The following STIM2 variants were observed in gnomAD, a reference collection of about 807,000 sequenced individuals.
STIM2 encodes the protein stromal interaction molecule 2.
Under a neutral mutation model 85.8 loss-of-function variants are expected in STIM2, and 31 were observed. The observed-to-expected ratio is 0.36, with a 90% CI of 0.27 to 0.49. STIM2 has a LOEUF of 0.49. Among genes scored for constraint, STIM2 ranks in the 20% least tolerant of loss-of-function variants. The pLI is 0.98. For missense variants in STIM2, 841 were observed against 927.6 expected, an observed-to-expected ratio of 0.91 and a Z score of 1.21; for synonymous variants, 356 against 331.1, an observed-to-expected ratio of 1.08 and a Z score of -0.82.
At chr4:27,007,041 G>A (rs1409614524) in intron 7 of STIM2, among the ~76,000 whole-genome samples, 1 of 152,186 alleles carries the variant, frequency 6.6e-6, no homozygotes, top group Non-Finnish European at 1.5e-5. Flanking sequence ...GCTACAGTAG[G>A]CTCTTCTGGA....
intron 1 of STIM2, among the ~76,000 whole-genome samples, chr4:26,880,634 A>AATATATATGTAAATATATATATAT (rs1560192506): frequency 5.4e-5 from 8 of 147,190 alleles, no homozygotes; most frequent in African/African-American, 2.0e-4. Context: ...TATATATATA[A>AATATATATGTAAATATATATATAT]ATATATATGT....
At chr4:26,893,155 A>G (rs1560197640) in intron 1 of STIM2, among the ~76,000 whole-genome samples, 2 of 152,170 alleles carry the variant, frequency 1.3e-5, no homozygotes, top group Non-Finnish European at 2.9e-5. Context: ...TACACAGAAG[A>G]ACATTAAATG....
At chr4:26,991,099 G>A (rs931519784) in intron 3 of STIM2, among the ~76,000 whole-genome samples, 1 of 151,984 alleles carries the variant, frequency 6.6e-6, no homozygotes, top group East Asian at 1.9e-4. Context: ...CTAAAAGAAA[G>A]GAAATCATTG....
chr4:27,020,715 A>G (rs887364053), intron 11 of STIM2, among the ~76,000 whole-genome samples: 4 of 152,244 alleles, frequency 2.6e-5, no homozygotes, highest in African/African-American at 7.2e-5. Flanking sequence ...CATGAAAATG[A>G]TATTAATCAT....
At chr4:26,979,353 A>G (rs1727301881) in intron 3 of STIM2, among the ~76,000 whole-genome samples, 1 of 152,250 alleles carries the variant, frequency 6.6e-6, no homozygotes. Context: ...CTTTCTGAAT[A>G]CTGGTAAATT....
At chr4:26,963,684 A>G (rs16878653) in intron 3 of STIM2, among the ~76,000 whole-genome samples, 92,959 of 152,038 alleles carry the variant, frequency 0.61, 28,894 homozygotes, top group Middle Eastern at 0.69. Context: ...GATTGCAGGA[A>G]TCTAAGAGAA....
intron 1 of STIM2, among the ~76,000 whole-genome samples, chr4:26,871,774 G>T (rs1722625924): frequency 6.6e-6 from 1 of 150,668 alleles, no homozygotes; most frequent in Non-Finnish European, 1.5e-5. Flanking sequence ...AAATTCCTGG[G>T]CTTAGGCAAT....
At chr4:26,970,479 G>A (rs1331800978) in intron 3 of STIM2, among the ~76,000 whole-genome samples, 1 of 151,736 alleles carries the variant, frequency 6.6e-6, no homozygotes, top group Non-Finnish European at 1.5e-5. Flanking sequence ...CCACCTATGA[G>A]TGAGAACATG....
At chr4:26,999,179 A>G in intron 4 of STIM2, 53 bp from the exon 5 acceptor site, 1 of 764,674 alleles carries the variant, frequency 1.3e-6, no homozygotes, top group Non-Finnish European at 1.8e-6. Flanking sequence ...GTATACTAGA[A>G]ATATTTTCAT....
chr4:27,017,826 C>T lies in STIM2; in HGVS notation c.1605C>T (p.Ala535=). The stretch of plus-strand genomic sequence containing the variant: ...AGCGAGCTCAGCTTGCTCCACACGC[C>T]CCCCACCCGTCACACCCTCGGCACC... The change falls in exon 11 of 12, where the codon GCC becomes GCT. Residue 535 remains alanine, a synonymous_variant. Coordinates refer to ENST00000467087, the MANE Select transcript of STIM2 (RefSeq NM_020860.4). The T allele has an allele frequency of 6.2e-7, 1 of 1,614,114 alleles. No individual in the cohort carries two copies. The highest frequency in any genetic ancestry group is 8.5e-7 in the Non-Finnish European group (1 of 1,180,014).
intron 1 of STIM2, chr4:26,874,113 TG>T: frequency 1.8e-6 from 1 of 564,086 alleles, no homozygotes; most frequent in Admixed American, 2.2e-5. Flanking sequence ...GAGGCTCTGC[TG>T]CCCTGGCTCT....
chr4:26,986,828 C>G (rs1296247048), intron 3 of STIM2, among the ~76,000 whole-genome samples: 2 of 152,188 alleles, frequency 1.3e-5, no homozygotes, highest in Admixed American at 6.5e-5. Flanking sequence ...AAAACAAGTT[C>G]TTTTATTTAA....
chr4:26,907,377 T>C (rs1341450013), intron 1 of STIM2, among the ~76,000 whole-genome samples: 1 of 152,178 alleles, frequency 6.6e-6, no homozygotes, highest in Non-Finnish European at 1.5e-5. Flanking sequence ...TAGAGTTAGC[T>C]GTCACTTCTC....
rs780589052 is a variant in STIM2, at chr4:27,021,020, G to A, written c.1764-1499G>A. ...GAACAGTATTCACCTTGGGCTCGGT[G>A]CGTGCAAAAGTGAATGAGACTAAGT... On this transcript the variant is annotated intron_variant, in intron 11 of 11. Coordinates refer to ENST00000467087, the MANE Select transcript of STIM2 (RefSeq NM_020860.4). 12 of 1,536,086 alleles carry A rather than the reference G, an allele frequency of 7.8e-6. No homozygotes were observed. The African/African-American group carries it at 1.4e-4, about 18-fold the overall frequency.
chr4:26,911,939 A>G (rs1256191716), intron 1 of STIM2, among the ~76,000 whole-genome samples: 1 of 152,202 alleles, frequency 6.6e-6, no homozygotes, highest in Non-Finnish European at 1.5e-5. Context: ...TAGGAATATG[A>G]AAAAGACTTT....
At chr4:26,961,098 C>T (rs1726439095) in intron 3 of STIM2, among the ~76,000 whole-genome samples, 1 of 151,612 alleles carries the variant, frequency 6.6e-6, no homozygotes, top group African/African-American at 2.4e-5. Flanking sequence ...TAGGAATTTA[C>T]ATTAAAAAAT....
Position 26,861,104 on chromosome 4 carries a change from G to C in STIM2, c.-115G>C, listed in dbSNP as rs761463769. ...TGGCGCCTCGCGGAGCCGGCGAGCT[G>C]CAGGCGGCCGGGGCGCCGCTGCGCT... On this transcript the variant is annotated 5_prime_UTR_variant, in exon 1 of 12. Coordinates refer to ENST00000467087, the MANE Select transcript of STIM2 (RefSeq NM_020860.4). 8.3e-7 allele frequency: 1 copy of C among 1,200,326 alleles called. No individual in the cohort carries two copies. Among genetic ancestry groups the C allele is most frequent in the South Asian group, 3.7e-5 (1 of 26,730 alleles). The allele number at this position is 1,200,326 out of a possible 1,614,324, so 74.4% of individuals were successfully genotyped here.
intron 3 of STIM2, among the ~76,000 whole-genome samples, chr4:26,965,709 A>T (rs973195355): frequency 6.6e-6 from 1 of 151,708 alleles, no homozygotes; most frequent in Non-Finnish European, 1.5e-5. Context: ...GAGATTTTGG[A>T]TCATTGCATA....
At chr4:26,887,660 G>A (rs73811399) in intron 1 of STIM2, among the ~76,000 whole-genome samples, 1,677 of 151,962 alleles carry the variant, frequency 0.011, 32 homozygotes, top group African/African-American at 0.039. Flanking sequence ...CCTGTATTAG[G>A]GTTCTGTACA....
Sources: allele counts gnomAD v4.1 joint callset (sites outside exome capture counted in the v4.1 genomes callset), GRCh38; gene constraint gnomAD v4.1.1; transcripts MANE v1.5; gene names NCBI Gene and HGNC (gene_info 2026-07-23, HGNC 2026-07-21).